Variants in TNFRSF21 observed in about 807,000 individuals in gnomAD.
TNFRSF21 encodes tumor necrosis factor receptor superfamily member 21.
TNFRSF21 carries 19 observed loss-of-function variants against 45.6 expected under a neutral mutation model. The ratio of observed to expected loss-of-function variants is 0.42; its 90% CI spans 0.29 to 0.61. The LOEUF is 0.61. Among genes scored for constraint, TNFRSF21 ranks in the 20% least tolerant of loss-of-function variants. The pLI, the probability that TNFRSF21 is intolerant of heterozygous loss-of-function variation, is 0.23. For missense variants in TNFRSF21, 737 were observed against 851.5 expected (o/e 0.87, Z 1.67); for synonymous variants, 314 against 335.5 (o/e 0.94, Z 0.70).
intron 4 of TNFRSF21, among the ~76,000 whole-genome samples, chr6:47,241,664 T>C (rs1477405687): frequency 6.6e-6 from 1 of 152,202 alleles, no homozygotes; most frequent in Non-Finnish European, 1.5e-5. Flanking sequence ...CAATTGAATC[T>C]AGATGGTAGA....
At chr6:47,305,255 T>C (rs1258588005) in intron 1 of TNFRSF21, among the ~76,000 whole-genome samples, 1 of 152,174 alleles carries the variant, frequency 6.6e-6, no homozygotes, top group Non-Finnish European at 1.5e-5. Context: ...CATCCCTGGG[T>C]TCCCACTGCC....
Position 47,286,194 on chromosome 6 carries a change from C to T in TNFRSF21, c.498G>A (p.Val166=), listed in dbSNP as rs760234022. Residue 166 remains valine, a synonymous_variant, in exon 2 of 6, where the codon GTG becomes GTA. Transcript: ENST00000296861. ...TACCCCGAGCACACTGCTTACACCG[C>T]ACATCCTCAGTCTCTGTCCCTTTCT... ...VRKKGTETED[V]RCKQCARGTF... is the part of the protein sequence containing the mutation. 68 of 1,614,136 alleles carry T rather than the reference C, an allele frequency of 4.2e-5. No homozygotes were observed. Among genetic ancestry groups the T allele is most frequent in the Non-Finnish European group, 5.2e-5 (61 of 1,180,060 alleles).
chr6:47,306,873 T>C (rs1004380905), intron 1 of TNFRSF21, among the ~76,000 whole-genome samples: 1 of 152,204 alleles, frequency 6.6e-6, no homozygotes, highest in Non-Finnish European at 1.5e-5. Flanking sequence ...GGCAGGCCAC[T>C]AACTTGCCCA....
intron 1 of TNFRSF21, among the ~76,000 whole-genome samples, chr6:47,308,381 GT>G (rs989063340): frequency 3.3e-5 from 5 of 152,292 alleles, no homozygotes; most frequent in South Asian, 4.1e-4. Context: ...TTTCTTGGGG[GT>G]TTTTTTGTTC....
At chr6:47,268,498 G>T (rs919496814) in intron 3 of TNFRSF21, among the ~76,000 whole-genome samples, 4 of 152,164 alleles carry the variant, frequency 2.6e-5, no homozygotes, top group Admixed American at 1.3e-4. Flanking sequence ...AGGAAAGGAG[G>T]CATAAAGAAG....
chr6:47,276,609 C>T (rs1762501052), intron 3 of TNFRSF21, among the ~76,000 whole-genome samples: 1 of 152,220 alleles, frequency 6.6e-6, no homozygotes, highest in Admixed American at 6.5e-5. Flanking sequence ...TGTTGGAACA[C>T]AGCCACACCC....
chr6:47,277,496 G>A (rs1171846191), intron 3 of TNFRSF21, among the ~76,000 whole-genome samples: 3 of 152,150 alleles, frequency 2.0e-5, no homozygotes, highest in Non-Finnish European at 4.4e-5. Flanking sequence ...TGTGGACCAT[G>A]TGGCCAGCAA....
intron 3 of TNFRSF21, among the ~76,000 whole-genome samples, chr6:47,262,893 C>T (rs990966551): frequency 1.3e-5 from 2 of 152,128 alleles, no homozygotes; most frequent in African/African-American, 4.8e-5. Context: ...AATAAAAAGT[C>T]ACGGGAGACC....
chr6:47,274,997 T>C (rs999940268), intron 3 of TNFRSF21, among the ~76,000 whole-genome samples: 17 of 152,284 alleles, frequency 1.1e-4, no homozygotes, highest in African/African-American at 3.6e-4. Context: ...CAACAGATAC[T>C]GGAGAGGATG....
chr6:47,269,487 T>C (rs1218142463), intron 3 of TNFRSF21, among the ~76,000 whole-genome samples: 1 of 152,228 alleles, frequency 6.6e-6, no homozygotes, highest in East Asian at 1.9e-4. Flanking sequence ...TTGAGATTCC[T>C]TAAGGGTGAA....
At chr6:47,246,697 C>A (rs548337983) in intron 4 of TNFRSF21, among the ~76,000 whole-genome samples, 20 of 152,210 alleles carry the variant, frequency 1.3e-4, no homozygotes, top group Non-Finnish European at 4.4e-5. Flanking sequence ...ACGTTCTTTG[C>A]AGAGTCAAAG....
chr6:47,254,858 G>A (rs1764957781), intron 3 of TNFRSF21, among the ~76,000 whole-genome samples: 1 of 152,102 alleles, frequency 6.6e-6, no homozygotes, highest in African/African-American at 2.4e-5. Context: ...TCTTTATAAG[G>A]CATTAATATT....
chr6:47,240,468 T>C (rs1005811156), intron 4 of TNFRSF21, among the ~76,000 whole-genome samples: 2 of 152,174 alleles, frequency 1.3e-5, no homozygotes, highest in Non-Finnish European at 2.9e-5. Flanking sequence ...ATCAGCCCCA[T>C]TTTACAGATG....
intron 4 of TNFRSF21, 139 bp downstream of exon 4, chr6:47,253,116 GT>G: frequency 1.0e-6 from 1 of 1,000,354 alleles, no homozygotes; most frequent in South Asian, 1.7e-5. Context: ...GTGTGTGTGT[GT>G]GTGCAGGCGT....
intron 3 of TNFRSF21, among the ~76,000 whole-genome samples, chr6:47,254,047 T>C (rs1764944990): frequency 6.6e-6 from 1 of 152,250 alleles, no homozygotes; most frequent in Admixed American, 6.5e-5. Flanking sequence ...TGGGGAACTT[T>C]CATGTTTTCA....
chr6:47,256,078 G>A (rs1212246739), intron 3 of TNFRSF21, among the ~76,000 whole-genome samples: 2 of 152,296 alleles, frequency 1.3e-5, no homozygotes, highest in East Asian at 3.9e-4. Context: ...TAAAAACGAA[G>A]GACGCTGTGG....
Position 47,234,605 on chromosome 6 carries a change from G to A in TNFRSF21, c.1738+65C>T, listed in dbSNP as rs150848278. On this transcript the variant is annotated intron_variant, in intron 5 of 5. Transcript: ENST00000296861. ...TACAACTGGACTGTGGACGGGGAGG[G>A]ACGAATCCCAGGGGCTCTTTGGGGG... 7.0e-3 allele frequency: 9,291 copies of A among 1,323,796 alleles called. 53 individuals carry two copies. Among genetic ancestry groups the A allele is most frequent in the Non-Finnish European group, 8.6e-3 (8,081 of 943,988 alleles). The allele number at this position is 1,323,796 out of a possible 1,614,324, so 82.0% of individuals were successfully genotyped here. A position where few individuals can be genotyped will look rare whatever the true frequency, so the allele number is the denominator to read the frequency against.
intron 3 of TNFRSF21, among the ~76,000 whole-genome samples, chr6:47,283,076 C>T (rs1301512830): frequency 2.6e-5 from 4 of 151,966 alleles, no homozygotes; most frequent in Admixed American, 1.3e-4. Flanking sequence ...ATAGATATAC[C>T]CCTTTCTCTT....
At chr6:47,276,375 C>T (rs991752757) in intron 3 of TNFRSF21, among the ~76,000 whole-genome samples, 1 of 152,212 alleles carries the variant, frequency 6.6e-6, no homozygotes, top group Non-Finnish European at 1.5e-5. Context: ...TTGTTACTTA[C>T]CCCTTCAGCA....
Sources: allele counts gnomAD v4.1 joint callset (sites outside exome capture counted in the v4.1 genomes callset), GRCh38; gene constraint gnomAD v4.1.1; transcripts MANE v1.5; gene names NCBI Gene and HGNC (gene_info 2026-07-23, HGNC 2026-07-21).